Variants in HDAC4 observed in about 807,000 individuals in gnomAD.
HDAC4 encodes histone deacetylase 4.
HDAC4 carries 16 observed loss-of-function variants against 135.1 expected under a neutral mutation model. That is an observed-to-expected ratio of 0.12 (90% CI 0.08 to 0.18). HDAC4 has a LOEUF of 0.18. Among genes scored for constraint, HDAC4 ranks in the 10% least tolerant of loss-of-function variants. The pLI is 1.00. For missense variants in HDAC4, 1,143 were observed against 1,511.8 expected, an observed-to-expected ratio of 0.76 and a Z score of 4.05; for synonymous variants, 685 against 653.4, an observed-to-expected ratio of 1.05 and a Z score of -0.74.
chr2:239,301,460 G>T (rs2052257019), intron 2 of HDAC4, among the ~76,000 whole-genome samples: 1 of 147,842 alleles, frequency 6.8e-6, no homozygotes, highest in African/African-American at 2.5e-5. Context: ...AATTCTGCTG[G>T]TGCTTTCTTT....
In HDAC4 at chr2:239,114,945, C is replaced by T. The variant is rs548393034; in HGVS notation, c.1791+108G>A. On this transcript the variant is annotated intron_variant, in intron 13 of 26. Coordinates refer to ENST00000543185, the MANE Select transcript of HDAC4 (RefSeq NM_001378414.1). The stretch of plus-strand genomic sequence containing the variant: ...GACAGGTGAGACACTGGACAGTGAC[C>T]GCGCAAGGATGCCCTGCAGCCCCCG... The T allele has an allele frequency of 8.1e-4, 1,077 of 1,329,090 alleles. 17 individuals are homozygous for T. In the South Asian group the frequency reaches 0.012, roughly 15 times the overall value. The allele number at this position is 1,329,090 out of a possible 1,614,324, so 82.3% of individuals were successfully genotyped here.
rs771576434 is a variant in HDAC4 at position 239,084,262 on chromosome 2, C to T, written c.2445-20G>A. 91 of 1,589,900 alleles carry T rather than the reference C, an allele frequency of 5.7e-5. No individual in the cohort carries two copies. The South Asian group carries it at 1.0e-3, about 18-fold the overall frequency. On this transcript the variant is annotated intron_variant, in intron 19 of 26. Transcript: ENST00000543185. ...AAGCCCCTGCGGGAGAGAACTGACGCTGGAGACGAAGCGCAGGTGGGCGGT... is the reference window on the plus strand; with the variant it reads ...AAGCCCCTGCGGGAGAGAACTGACGTTGGAGACGAAGCGCAGGTGGGCGGT...
At chr2:239,231,311 G>A (rs983547655) in intron 3 of HDAC4, among the ~76,000 whole-genome samples, 6 of 152,164 alleles carry the variant, frequency 3.9e-5, no homozygotes, top group East Asian at 1.9e-4. Flanking sequence ...CCTTTTGGCC[G>A]ATGGAAGGGC....
chr2:239,108,257 C>G (rs1022772458), intron 14 of HDAC4, 74 bp from the exon 15 acceptor site: 1 of 1,525,840 alleles, frequency 6.6e-7, no homozygotes. Flanking sequence ...AGGCTGCCCC[C>G]GGGTGGTGGC....
intron 2 of HDAC4, among the ~76,000 whole-genome samples, chr2:239,317,347 C>CATCT (rs1258199157): frequency 1.3e-5 from 2 of 152,064 alleles, no homozygotes; most frequent in Admixed American, 1.3e-4. Context: ...GATCTACACA[C>CATCT]ATCTATTCAC....
chr2:239,329,988 G>A (rs1691456651), intron 2 of HDAC4, among the ~76,000 whole-genome samples: 2 of 152,170 alleles, frequency 1.3e-5, no homozygotes, highest in Admixed American at 6.5e-5. Flanking sequence ...GTGGGAGGAG[G>A]GGTGTGCAGA....
At chr2:239,162,089 G>T (rs757671184) in intron 6 of HDAC4, 11 of 456,088 alleles carry the variant, frequency 2.4e-5, no homozygotes, top group Non-Finnish European at 4.4e-5. Context: ...ACCCTCTGGG[G>T]GCTGCCCTGT....
At chr2:239,258,011 G>A (rs1273635828) in intron 2 of HDAC4, among the ~76,000 whole-genome samples, 2 of 152,178 alleles carry the variant, frequency 1.3e-5, no homozygotes, top group East Asian at 3.8e-4. Flanking sequence ...CGATAAAAGA[G>A]TTGAATGCAA....
At chr2:239,098,971 G>A (rs1014118196) in intron 16 of HDAC4, among the ~76,000 whole-genome samples, 6 of 152,204 alleles carry the variant, frequency 3.9e-5, no homozygotes, top group Non-Finnish European at 7.3e-5. Context: ...CAACCTTCCT[G>A]TAAACAAAAG....
intron 2 of HDAC4, among the ~76,000 whole-genome samples, chr2:239,275,255 C>T (rs1282120492): frequency 1.3e-5 from 2 of 152,220 alleles, no homozygotes; most frequent in Non-Finnish European, 2.9e-5. Context: ...CCTGGCAAGC[C>T]GCCCCACGCT....
intron 1 of HDAC4, among the ~76,000 whole-genome samples, chr2:239,377,351 G>GA: frequency 6.6e-6 from 1 of 152,148 alleles, no homozygotes; most frequent in Non-Finnish European, 1.5e-5. Flanking sequence ...AAATGTCCAG[G>GA]GCCTCTGACT....
intron 7 of HDAC4, among the ~76,000 whole-genome samples, chr2:239,155,934 C>T (rs2042397461): frequency 6.6e-6 from 1 of 152,156 alleles, no homozygotes; most frequent in African/African-American, 2.4e-5. Flanking sequence ...ACTCCCTGGC[C>T]CCTGCCCTTC....
intron 1 of HDAC4, among the ~76,000 whole-genome samples, chr2:239,364,988 C>T (rs1319424495): frequency 2.0e-5 from 3 of 152,184 alleles, no homozygotes; most frequent in Non-Finnish European, 4.4e-5. Flanking sequence ...CAAAGAGGTA[C>T]TAAGTCAGGT....
rs144766062 is a variant in HDAC4 at position 239,121,311 on chromosome 2, G to A, written c.1533+5145C>T. On this transcript the variant is annotated intron_variant, in intron 12 of 26. Coordinates refer to ENST00000543185, the MANE Select transcript of HDAC4 (RefSeq NM_001378414.1). Reference sequence around the variant, plus strand: ...AGAACTCTGTAAGAAAATCTCAAACGTCCTTCCCCTATGCACAGATGAATG... The same window carrying A: ...AGAACTCTGTAAGAAAATCTCAAACATCCTTCCCCTATGCACAGATGAATG... 6.6e-5 allele frequency among the ~76,000 whole-genome samples: 10 copies of A among 152,300 alleles called. No individual in the cohort carries two copies. The East Asian group carries it at 1.2e-3, about 18-fold the overall frequency.
chr2:239,106,686 C>T (rs547046816), intron 15 of HDAC4, among the ~76,000 whole-genome samples: 165 of 152,200 alleles, frequency 1.1e-3, no homozygotes, highest in Non-Finnish European at 1.9e-3. Flanking sequence ...GTAAAGGAAA[C>T]GGGGGGTAAG....
At chr2:239,393,270 T>G (rs929890585) in intron 1 of HDAC4, among the ~76,000 whole-genome samples, 6 of 152,236 alleles carry the variant, frequency 3.9e-5, no homozygotes, top group Non-Finnish European at 8.8e-5. Context: ...GGGATGCATC[T>G]GAATGGGCCT....
chr2:239,322,928 G>A (rs111418338), intron 2 of HDAC4, among the ~76,000 whole-genome samples: 78 of 152,312 alleles, frequency 5.1e-4, no homozygotes, highest in African/African-American at 1.8e-3. Flanking sequence ...CAGCGCTGCT[G>A]CGGGGTGTGT....
intron 4 of HDAC4, among the ~76,000 whole-genome samples, chr2:239,184,375 G>C (rs1298504765): frequency 1.4e-5 from 2 of 145,418 alleles, no homozygotes; most frequent in Non-Finnish European, 3.0e-5. Context: ...TGCCCTATGA[G>C]GGGGGGTCCC....
At position 239,051,681 on chromosome 2, in the gene HDAC4, T is replaced by G. The variant is rs1437065992; in HGVS notation, c.*1416A>C. 6.6e-6 allele frequency: 1 copy of G among 152,514 alleles called. No individual in the cohort carries two copies. The allele number at this position is 152,514 out of a possible 1,614,324, so 9.4% of individuals were successfully genotyped here. ...AATAATTAAAATGAAAGTACAAACTTGTAGGGTAGTTGCCCAGTGGCGAAT... is the reference window on the plus strand; with the variant it reads ...AATAATTAAAATGAAAGTACAAACTGGTAGGGTAGTTGCCCAGTGGCGAAT... On this transcript the variant is annotated 3_prime_UTR_variant, in exon 27 of 27. Coordinates refer to ENST00000543185, the MANE Select transcript of HDAC4 (RefSeq NM_001378414.1).
Sources: allele counts gnomAD v4.1 joint callset (sites outside exome capture counted in the v4.1 genomes callset), GRCh38; gene constraint gnomAD v4.1.1; transcripts MANE v1.5; gene names NCBI Gene and HGNC (gene_info 2026-07-23, HGNC 2026-07-21).